The following SGO2 variants were observed in gnomAD, a reference collection of about 807,000 sequenced individuals.
SGO2 encodes shugoshin 2, also known as shugoshin-like 2.
SGO2 carries 68 observed loss-of-function variants against 99.5 expected under a neutral mutation model. The ratio of observed to expected loss-of-function variants is 0.68; its 90% confidence interval spans 0.56 to 0.84. The LOEUF is 0.84. SGO2 is among the 40% of genes least tolerant of loss of function. The pLI is 0.00. For synonymous variants in SGO2, 457 were observed against 487.1 expected (o/e 0.94, Z 0.81); for missense variants, 1,350 against 1,436.7 (o/e 0.94, Z 0.97).
intron 4 of SGO2, among the ~76,000 whole-genome samples, chr2:200,538,886 T>C (rs2031825790): frequency 6.6e-6 from 1 of 152,122 alleles, no homozygotes; most frequent in African/African-American, 2.4e-5. Context: ...TGAATTCTTT[T>C]TTGCCAGTTT....
At chr2:200,551,575 T>C (rs1189568616) in intron 5 of SGO2, among the ~76,000 whole-genome samples, 1 of 152,178 alleles carries the variant, frequency 6.6e-6, no homozygotes, top group Non-Finnish European at 1.5e-5. Flanking sequence ...AAAAGGAATA[T>C]TTCTATTGAT....
rs757100785 is a variant in SGO2 at position 200,536,101 on chromosome 2, A to G, written c.346A>G (p.Asn116Asp). ...TATAGACATAGAAGCTCTCATGAAC[A>G]ATAACTTGATAACTGCAATTGAAAT... is the stretch of plus-strand genomic sequence containing the variant. ...KLIDIEALMNNNLITAIEMSS... is the reference protein window; with the variant it reads ...KLIDIEALMNDNLITAIEMSS... The change falls in exon 4 of 9, where the codon AAT becomes GAT. Residue 116 changes from asparagine to aspartate, a missense_variant. Asn to Asp is a conservative substitution (Grantham distance 23, BLOSUM62 1). Coordinates refer to ENST00000357799, the MANE Select transcript of SGO2 (RefSeq NM_152524.6). The G allele has an allele frequency of 4.4e-6, 7 of 1,595,164 alleles. No individual in the cohort carries two copies. Among genetic ancestry groups the G allele is most frequent in the Non-Finnish European group, 6.0e-6 (7 of 1,167,746 alleles).
At chr2:200,538,409 A>G (rs986582613) in intron 4 of SGO2, among the ~76,000 whole-genome samples, 1 of 152,122 alleles carries the variant, frequency 6.6e-6, no homozygotes, top group Admixed American at 6.5e-5. Context: ...AGCCTTCCCT[A>G]GCAACTCTGC....
Position 200,571,810 on chromosome 2 carries a change from G to T in SGO2, c.1464G>T (p.Leu488=). Residue 488 remains leucine, a synonymous_variant, in exon 7 of 9, where the codon CTG becomes CTT. Transcript: ENST00000357799. The part of the protein sequence containing the change: ...GFEQGDRENV[L]CNKKEKRITN... ...AACAAGGTGACAGAGAAAATGTACTGTGTAATAAAAAGGAGAAAAGAATAA... is the reference window on the plus strand; with the variant it reads ...AACAAGGTGACAGAGAAAATGTACTTTGTAATAAAAAGGAGAAAAGAATAA... The T allele has an allele frequency of 1.2e-6, 2 of 1,613,394 alleles. No homozygotes were observed. Among genetic ancestry groups the T allele is most frequent in the South Asian group, 2.2e-5 (2 of 90,970 alleles).
intron 5 of SGO2, among the ~76,000 whole-genome samples, chr2:200,548,961 T>C (rs2032353106): frequency 6.6e-6 from 1 of 152,132 alleles, no homozygotes; most frequent in Admixed American, 6.5e-5. Context: ...ACTCTCCCAT[T>C]GAAGAAAAGC....
intron 5 of SGO2, among the ~76,000 whole-genome samples, chr2:200,545,089 C>T (rs989540116): frequency 6.6e-6 from 1 of 152,154 alleles, no homozygotes; most frequent in Non-Finnish European, 1.5e-5. Flanking sequence ...TCACTACAGC[C>T]TTGACCTCTT....
In SGO2 at chr2:200,572,997, TG is replaced by T; in HGVS notation, c.2653del (p.Glu885SerfsTer2). 6.3e-7 allele frequency: 1 copy of T among 1,580,092 alleles called. No homozygotes were observed. Among genetic ancestry groups the T allele is most frequent in the South Asian group, 1.2e-5 (1 of 83,722 alleles). On this transcript the variant is annotated frameshift_variant, in exon 7 of 9. Transcript: ENST00000357799. LOFTEE classifies it high-confidence loss of function. ...TGTGATTATGACACCCAGAATATAT[TG>T]GAGTTGAAAAAGTATGTTACTGATA... The part of the protein sequence containing the change: ...NLCDYDTQNI[L>X]ELKKYVTDRK...
At chr2:200,530,140 G>A (rs2031303969) in intron 1 of SGO2, among the ~76,000 whole-genome samples, 4 of 152,148 alleles carry the variant, frequency 2.6e-5, no homozygotes, top group Admixed American at 2.6e-4. Context: ...GGGAACCATG[G>A]GAGAGTTTTA....
Position 200,573,715 on chromosome 2 carries a change from A to C in SGO2, c.3369A>C (p.Lys1123Asn), listed in dbSNP as rs368899918. 4 of 1,612,780 alleles carry C rather than the reference A, an allele frequency of 2.5e-6. No individual in the cohort carries two copies. In the Admixed American group the frequency reaches 6.7e-5, roughly 27 times the overall value. ...AGGAAAACAATTTGGAGAATGAGAA[A>C]ATGGTCAAAAATAAGCCAGACTTTT... is the stretch of plus-strand genomic sequence containing the variant. ...ADKENNLENE[K>N]MVKNKPDFYT... Residue 1123 changes from lysine (K) to asparagine (N), a missense_variant, in exon 7 of 9, where the codon AAA (lysine) becomes AAC (asparagine). Coordinates refer to ENST00000357799, the MANE Select transcript of SGO2 (RefSeq NM_152524.6).
At chr2:200,577,035 GTT>G (rs747481388) in intron 8 of SGO2, among the ~76,000 whole-genome samples, 1 of 141,586 alleles carries the variant, frequency 7.1e-6, no homozygotes. Context: ...GTAAAGTATT[GTT>G]TTTTTTTTTT....
intron 5 of SGO2, among the ~76,000 whole-genome samples, chr2:200,554,287 G>A (rs2032614679): frequency 2.0e-5 from 3 of 152,096 alleles, no homozygotes; most frequent in Non-Finnish European, 4.4e-5. Flanking sequence ...CAAGCAAAAA[G>A]CCAAAAAAGA....
Position 200,542,664 on chromosome 2 carries a change from G to A in SGO2, c.473G>A (p.Arg158Lys), listed in dbSNP as rs1039886181. The A allele has an allele frequency of 1.2e-6, 2 of 1,610,626 alleles. No individual in the cohort carries two copies. Among genetic ancestry groups the A allele is most frequent in the Admixed American group, 1.7e-5 (1 of 59,776 alleles). Residue 158 changes from arginine to lysine, a missense_variant and splice_region_variant, in exon 5 of 9, where the codon AGG becomes AAG. Coordinates refer to ENST00000357799, the MANE Select transcript of SGO2 (RefSeq NM_152524.6). ...QCKLMRLPFARVPLTSNDDED... is the reference protein window; with the variant it reads ...QCKLMRLPFAKVPLTSNDDED... ...AAGTTGATGCGTCTTCCATTTGCAA[G>A]GTAAATATGGGCTTGAATTACACTA...
chr2:200,557,335 C>T (rs1390835606), intron 5 of SGO2, among the ~76,000 whole-genome samples: 1 of 152,100 alleles, frequency 6.6e-6, no homozygotes, highest in Non-Finnish European at 1.5e-5. Flanking sequence ...ACTAACTCCC[C>T]TAAGTTGGGC....
intron 3 of SGO2, 40 bp from the exon 4 acceptor site, chr2:200,536,025 T>G: frequency 1.5e-6 from 2 of 1,297,100 alleles, no homozygotes; most frequent in Non-Finnish European, 2.2e-6. Flanking sequence ...AAATTACAAG[T>G]CTTAACTGAT....
intron 5 of SGO2, among the ~76,000 whole-genome samples, chr2:200,559,300 T>C (rs947840884): frequency 6.6e-6 from 1 of 152,172 alleles, no homozygotes; most frequent in African/African-American, 2.4e-5. Context: ...TTCTCAGTAT[T>C]GTTATTTGTG....
At position 200,526,702 on chromosome 2, in the gene SGO2, A is replaced by C. The variant is rs561655589; in HGVS notation, c.-3+450A>C. On this transcript the variant is annotated intron_variant, in intron 1 of 8. Coordinates refer to ENST00000357799, the MANE Select transcript of SGO2 (RefSeq NM_152524.6). The surrounding 1 kb of genome is among the most constrained non-coding windows in gnomAD (Gnocchi z 4.8). ...GCGAAGGGGTGATGGAAGACTAGGG[A>C]GAACTTGGAACTTAGAACTTGAGCT... Among the ~76,000 whole-genome samples the C allele has an allele frequency of 6.6e-6, 1 of 152,114 alleles. No individual in the cohort carries two copies.
intron 5 of SGO2, among the ~76,000 whole-genome samples, chr2:200,562,262 G>T (rs1029013709): frequency 1.3e-5 from 2 of 152,076 alleles, no homozygotes; most frequent in Admixed American, 6.5e-5. Flanking sequence ...TCCAGTTTCA[G>T]CTTTCTACAT....
Position 200,571,914 on chromosome 2 carries a change from A to G in SGO2, c.1568A>G (p.Gln523Arg). The part of the protein sequence containing the change: ...FHQESKFDKG[Q>R]NSLTCNKSKA... Reference sequence around the variant, plus strand: ...CAGGAGAGTAAATTTGATAAGGGTCAGAATTCCCTAACTTGTAATAAAAGT... The same window carrying G: ...CAGGAGAGTAAATTTGATAAGGGTCGGAATTCCCTAACTTGTAATAAAAGT... Residue 523 changes from glutamine to arginine, a missense_variant, in exon 7 of 9, where the codon CAG becomes CGG. Coordinates refer to ENST00000357799, the MANE Select transcript of SGO2 (RefSeq NM_152524.6). 6.2e-7 allele frequency: 1 copy of G among 1,613,468 alleles called. No homozygotes were observed. Among genetic ancestry groups the G allele is most frequent in the Non-Finnish European group, 8.5e-7 (1 of 1,179,606 alleles).
chr2:200,579,295 G>T (rs922194189), intron 8 of SGO2, among the ~76,000 whole-genome samples: 3 of 151,314 alleles, frequency 2.0e-5, no homozygotes, highest in Non-Finnish European at 4.4e-5. Flanking sequence ...GGTATAGTAT[G>T]ATATCATCTG....
Sources: gnomAD v4.1 joint callset for allele counts (sites outside exome capture counted in the v4.1 genomes callset) on GRCh38, gnomAD v4.1.1 for gene constraint, Gnocchi (gnomAD v3.1) non-coding constraint, MANE v1.5 for transcripts, NCBI Gene and HGNC (gene_info 2026-07-23, HGNC 2026-07-21) for gene names.